Variants in ESR1 observed in about 807,000 individuals in gnomAD.
ESR1 encodes the protein estrogen receptor.
A neutral mutation model predicts 52.7 loss-of-function variants in ESR1; 12 were observed. The ratio of observed to expected loss-of-function variants is 0.23; its 90% confidence interval spans 0.15 to 0.37. The LOEUF is 0.37. Among genes scored for constraint, ESR1 ranks in the 10% least tolerant of loss-of-function variants. ESR1 has a pLI of 1.00. For missense variants in ESR1, 584 were observed against 779.7 expected, an observed-to-expected ratio of 0.75 and a Z score of 2.99; for synonymous variants, 305 against 316.8, an observed-to-expected ratio of 0.96 and a Z score of 0.39.
intron 4 of ESR1, among the ~76,000 whole-genome samples, chr6:152,006,663 A>G (rs2128758800): frequency 6.6e-6 from 1 of 152,066 alleles, no homozygotes; most frequent in South Asian, 2.1e-4. Context: ...TCTTGCACTG[A>G]GTCTTTGGCA....
chr6:152,041,061 A>G (rs1407633638), intron 5 of ESR1, among the ~76,000 whole-genome samples: 2 of 152,190 alleles, frequency 1.3e-5, no homozygotes, highest in East Asian at 3.9e-4. Flanking sequence ...CTGTAGTCAA[A>G]CATACAGTTT....
chr6:151,799,989 T>C (rs886700070), upstream of ESR1, among the ~76,000 whole-genome samples: 5 of 152,164 alleles, frequency 3.3e-5, no homozygotes, highest in African/African-American at 1.2e-4. Context: ...GTTCTTTGGC[T>C]CTTGAGTTAC....
At chr6:151,874,327 A>G (rs1384050490) in intron 2 of ESR1, among the ~76,000 whole-genome samples, 4 of 152,322 alleles carry the variant, frequency 2.6e-5, no homozygotes, top group African/African-American at 9.6e-5. Context: ...AAAATTATAA[A>G]GCAAGAATAG....
intron 2 of ESR1, among the ~76,000 whole-genome samples, chr6:151,866,910 A>G (rs374905405): frequency 1.3e-5 from 2 of 152,222 alleles, no homozygotes; most frequent in South Asian, 4.1e-4. Context: ...ACTGGTACCA[A>G]AACAGATATC....
At chr6:151,715,733 C>G (rs1040123700) in intron 2 of ESR1, among the ~76,000 whole-genome samples, 4 of 152,172 alleles carry the variant, frequency 2.6e-5, no homozygotes, top group African/African-American at 9.7e-5. Context: ...AGCAATTCCT[C>G]TATCCTTTTT....
rs138597045 is a variant in ESR1, at chr6:151,853,229, A to G, written c.643+10442A>G. On this transcript the variant is annotated intron_variant, in intron 2 of 7. Coordinates refer to ENST00000206249, the MANE Select transcript of ESR1 (RefSeq NM_000125.4). ...AGAAAGAAAGAAGGAAAAAGAAAGA[A>G]AGAGAAAGAAAGGCGGGCATTAACT... Among the ~76,000 whole-genome samples, 422 of 151,646 alleles carry G rather than the reference A, an allele frequency of 2.8e-3. 5 individuals carry two copies. Among genetic ancestry groups the G allele is most frequent in the Admixed American group, 0.019 (289 of 15,192 alleles).
chr6:152,040,162 T>A (rs1360585511), intron 5 of ESR1, among the ~76,000 whole-genome samples: 2 of 152,144 alleles, frequency 1.3e-5, no homozygotes, highest in Non-Finnish European at 2.9e-5. Context: ...TCAGTGTTTG[T>A]CTCTGCTGCT....
intron 6 of ESR1, among the ~76,000 whole-genome samples, chr6:152,120,402 C>A (rs926948762): frequency 6.6e-6 from 1 of 152,168 alleles, no homozygotes; most frequent in Non-Finnish European, 1.5e-5. Flanking sequence ...GAAGATGGGA[C>A]ACTTTAACCA....
At chr6:151,918,294 GC>G (rs2030804797) in intron 3 of ESR1, among the ~76,000 whole-genome samples, 1 of 152,196 alleles carries the variant, frequency 6.6e-6, no homozygotes, top group African/African-American at 2.4e-5. Flanking sequence ...ACCCTGGTAG[GC>G]CCTGGTTAAA....
intron 2 of ESR1, among the ~76,000 whole-genome samples, chr6:151,717,983 A>T (rs1781178380): frequency 6.6e-6 from 1 of 152,214 alleles, no homozygotes; most frequent in Non-Finnish European, 1.5e-5. Flanking sequence ...ATACAATTTA[A>T]GACAACATTT....
chr6:152,001,928 G>T (rs722210), intron 4 of ESR1, among the ~76,000 whole-genome samples: 4,376 of 152,000 alleles, frequency 0.029, 191 homozygotes, highest in African/African-American at 0.097. Context: ...ACCCCAAAGG[G>T]CTCCTGACTG....
intron 2 of ESR1, among the ~76,000 whole-genome samples, chr6:151,847,801 A>T (rs1416759802): frequency 6.8e-6 from 1 of 146,384 alleles, no homozygotes; most frequent in Non-Finnish European, 1.5e-5. Context: ...TGTTTTGGAC[A>T]TGAAGTCCTT....
At chr6:151,983,248 A>G (rs891004426) in intron 4 of ESR1, among the ~76,000 whole-genome samples, 2 of 152,122 alleles carry the variant, frequency 1.3e-5, no homozygotes, top group Non-Finnish European at 2.9e-5. Context: ...ATAAAAATTC[A>G]CCACGTAGAG....
At chr6:152,088,791 T>G (rs1482290890) in intron 6 of ESR1, among the ~76,000 whole-genome samples, 1 of 152,186 alleles carries the variant, frequency 6.6e-6, no homozygotes, top group Non-Finnish European at 1.5e-5. Context: ...TTATCCAGTT[T>G]CAGGTATTCT....
chr6:151,850,514 G>C (rs59060811), intron 2 of ESR1, among the ~76,000 whole-genome samples: 1 of 151,852 alleles, frequency 6.6e-6, no homozygotes, highest in Non-Finnish European at 1.5e-5. Flanking sequence ...GAACACCAAA[G>C]ATTGCTGGTG....
rs1393408449 is a variant in ESR1 at position 152,077,433 on chromosome 6, C to G, written c.1369+16309C>G. On this transcript the variant is annotated intron_variant, in intron 6 of 7. Transcript: ENST00000206249. ...AGGAAGGGAAATGTGGGGTTGGAAC[C>G]CCCACACAGAGTCCCCACTGGGGCA... 2.0e-5 allele frequency among the ~76,000 whole-genome samples: 3 copies of G among 152,278 alleles called. No homozygotes were observed. In the East Asian group the frequency reaches 5.8e-4, roughly 29 times the overall value.
chr6:151,857,272 A>G (rs540167446), intron 2 of ESR1, among the ~76,000 whole-genome samples: 53 of 152,294 alleles, frequency 3.5e-4, no homozygotes, highest in African/African-American at 1.2e-3. Flanking sequence ...GAGAATGTAC[A>G]TTGTATTAGG....
intron 2 of ESR1, among the ~76,000 whole-genome samples, chr6:151,797,590 T>C (rs1397062978): frequency 6.6e-6 from 1 of 152,262 alleles, no homozygotes; most frequent in Non-Finnish European, 1.5e-5. Flanking sequence ...TGCTGTTGAA[T>C]ATGTTCCATG....
chr6:151,899,988 C>T (rs573173676), intron 3 of ESR1, among the ~76,000 whole-genome samples: 122 of 152,308 alleles, frequency 8.0e-4, no homozygotes, highest in African/African-American at 2.5e-3. Context: ...ACTTCCCAGA[C>T]GGGGTGGCCC....
Sources: allele counts gnomAD v4.1 joint callset (sites outside exome capture counted in the v4.1 genomes callset), GRCh38; gene constraint gnomAD v4.1.1; transcripts MANE v1.5; gene names NCBI Gene and HGNC (gene_info 2026-07-23, HGNC 2026-07-21).